MLANA: variants seen among roughly 807,000 people sequenced by gnomAD.
MLANA encodes melanoma antigen recognized by T-cells 1.
In MLANA, 21 loss-of-function variants were observed where a neutral mutation model predicts 15.7. That is an observed-to-expected ratio of 1.33 (90% CI 0.95 to 1.92). The LOEUF is 1.92. Among genes scored for constraint, MLANA ranks in the 40% most tolerant of loss-of-function variants. The pLI is 0.00. For missense variants in MLANA, 164 were observed against 143.8 expected, an observed-to-expected ratio of 1.14 and a Z score of -0.72; for synonymous variants, 56 against 51.5, an observed-to-expected ratio of 1.09 and a Z score of -0.37.
intron 3 of MLANA, 42 bp downstream of exon 3, chr9:5,897,695 G>A (rs1422396566): frequency 6.6e-7 from 1 of 1,525,762 alleles, no homozygotes; most frequent in South Asian, 1.1e-5. Flanking sequence ...CAAGTCCAGG[G>A]CCCTCTTTCC....
chr9:5,894,451 G>A lies in MLANA; in HGVS notation c.77+1900G>A, dbSNP rs2129898418. ...CCGTGTCTGGGGTAACAAACGGAAG[G>A]GTGAGGCCATCAGGACCTAGAGTTG... is the stretch of plus-strand genomic sequence containing the variant. On this transcript the variant is annotated intron_variant, in intron 2 of 4. Transcript: ENST00000381477. This position sits in a 1 kb window ranked among gnomAD's most constrained non-coding sequence, Gnocchi z 4.0. Among the ~76,000 whole-genome samples, 1 of 152,304 alleles carries A rather than the reference G, an allele frequency of 6.6e-6. No homozygotes were observed.
intron 1 of MLANA, 95 bp from the exon 2 acceptor site, chr9:5,892,355 G>T: frequency 4.0e-6 from 3 of 752,782 alleles, no homozygotes; most frequent in Non-Finnish European, 6.2e-6. Flanking sequence ...TATGGATATT[G>T]GTCACCTAGT....
intron 1 of MLANA, chr9:5,891,429 A>T (rs1358446481): frequency 6.6e-6 from 1 of 152,152 alleles, no homozygotes; most frequent in African/African-American, 2.4e-5. Flanking sequence ...TCTTTTTTAC[A>T]ACTGGGAAGG....
chr9:5,896,349 G>C (rs1832019094), intron 2 of MLANA, among the ~76,000 whole-genome samples: 1 of 152,202 alleles, frequency 6.6e-6, no homozygotes. Context: ...AATCTTCATA[G>C]GTCTCAGCTT....
At position 5,906,920 on chromosome 9, in the gene MLANA, A is replaced by C; in HGVS notation, c.210A>C (p.Leu70Phe). ...TTCATGTTGGCACTCAATGTGCCTT[A>C]ACAAGAAGATGCCCACAAGAAGGGT... Reference protein sequence around the residue: ...KSLHVGTQCALTRRCPQEGFD... With the variant: ...KSLHVGTQCAFTRRCPQEGFD... Residue 70 changes from leucine (L) to phenylalanine (F), a missense_variant, in exon 4 of 5, where the codon TTA becomes TTC. By Grantham distance (22) the Leu-to-Phe change is conservative (BLOSUM62 0). Transcript: ENST00000381477. The C allele has an allele frequency of 6.3e-7, 1 of 1,597,404 alleles. No individual in the cohort carries two copies. The highest frequency in any genetic ancestry group is 8.5e-7 in the Non-Finnish European group (1 of 1,173,536).
At chr9:5,899,788 A>G (rs902080880) in intron 3 of MLANA, among the ~76,000 whole-genome samples, 5 of 152,160 alleles carry the variant, frequency 3.3e-5, no homozygotes, top group Non-Finnish European at 5.9e-5. Context: ...ACTCATCTTC[A>G]TATCTCCAGT....
intron 2 of MLANA, among the ~76,000 whole-genome samples, chr9:5,892,962 G>A (rs911872857): frequency 3.9e-5 from 6 of 152,138 alleles, no homozygotes; most frequent in African/African-American, 1.2e-4. Flanking sequence ...TAAGGATGAC[G>A]GGCAGGTGTG....
chr9:5,906,120 G>A (rs1832786613), intron 3 of MLANA, among the ~76,000 whole-genome samples: 1 of 151,852 alleles, frequency 6.6e-6, no homozygotes, highest in Non-Finnish European at 1.5e-5. Flanking sequence ...AGAGGCTGAG[G>A]CAGGAGGATT....
intron 3 of MLANA, among the ~76,000 whole-genome samples, chr9:5,905,422 G>A (rs1201437293): frequency 6.6e-6 from 1 of 152,184 alleles, no homozygotes; most frequent in African/African-American, 2.4e-5. Context: ...AGGACTGACA[G>A]AATGAACTCT....
Position 5,902,174 on chromosome 9 carries a change from A to G in MLANA, c.174+4521A>G, listed in dbSNP as rs111640778. On this transcript the variant is annotated intron_variant, in intron 3 of 4. Transcript: ENST00000381477. ...GTTTTGGAAAGTTATTATTGATTCA[A>G]TTTTTATAATAGATATAAATCTCTT... is the stretch of plus-strand genomic sequence containing the variant. Among the ~76,000 whole-genome samples the G allele has an allele frequency of 1.1e-3, 167 of 152,298 alleles. 1 individual carries two copies. The highest frequency in any genetic ancestry group is 3.9e-3 in the African/African-American group (163 of 41,558).
intron 3 of MLANA, among the ~76,000 whole-genome samples, chr9:5,898,656 G>A (rs1202257255): frequency 6.6e-6 from 1 of 152,140 alleles, no homozygotes; most frequent in Non-Finnish European, 1.5e-5. Flanking sequence ...TAGCAAACAG[G>A]AGTATATTAG....
chr9:5,895,685 A>G (rs888558964), intron 2 of MLANA, among the ~76,000 whole-genome samples: 1 of 152,336 alleles, frequency 6.6e-6, no homozygotes, highest in South Asian at 2.1e-4. Flanking sequence ...GCCACCTAAG[A>G]GGCTGATTGG....
In MLANA at chr9:5,892,443, C is replaced by T; in HGVS notation, c.-25-7C>T. ...CATTAATGATGCCCACATGCTCCTT[C>T]TGTTAGGTGTCCTGTGCCCTGACCC... On this transcript the variant is annotated splice_polypyrimidine_tract_variant and splice_region_variant and intron_variant, in intron 1 of 4. Coordinates refer to ENST00000381477, the MANE Select transcript of MLANA (RefSeq NM_005511.2). 1.3e-6 allele frequency: 2 copies of T among 1,596,886 alleles called. No homozygotes were observed. The highest frequency in any genetic ancestry group is 1.7e-6 in the Non-Finnish European group (2 of 1,171,468).
At chr9:5,907,730 A>G (rs1586969287) in intron 4 of MLANA, among the ~76,000 whole-genome samples, 1 of 152,362 alleles carries the variant, frequency 6.6e-6, no homozygotes, top group East Asian at 1.9e-4. Flanking sequence ...AGGTGGGTGG[A>G]TCACCTGATC....
chr9:5,906,049 C>T (rs1424580858), intron 3 of MLANA, among the ~76,000 whole-genome samples: 1 of 151,774 alleles, frequency 6.6e-6, no homozygotes, highest in Non-Finnish European at 1.5e-5. Flanking sequence ...TCTGTTAAAT[C>T]AACTAAGAAT....
At chr9:5,897,717 C>T in intron 3 of MLANA, 64 bp downstream of exon 3, 2 of 1,359,218 alleles carry the variant, frequency 1.5e-6, no homozygotes, top group South Asian at 2.3e-5. Context: ...GTTCTTTCCT[C>T]TGAATCTCTG....
chr9:5,899,677 G>C (rs913077882), intron 3 of MLANA, among the ~76,000 whole-genome samples: 4 of 152,200 alleles, frequency 2.6e-5, no homozygotes, highest in African/African-American at 9.6e-5. Flanking sequence ...TGTAACTCTA[G>C]CATGGGGTTA....
intron 3 of MLANA, among the ~76,000 whole-genome samples, chr9:5,900,925 CTG>C (rs35763402): frequency 0.65 from 98,265 of 151,806 alleles, 33,378 homozygotes; most frequent in Non-Finnish European, 0.75. Context: ...TGTCAGGGCA[CTG>C]TGTTTTTCAA....
chr9:5,897,466 G>C (rs1832105670), intron 2 of MLANA, 91 bp from the exon 3 acceptor site: 1 of 1,223,944 alleles, frequency 8.2e-7, no homozygotes, highest in South Asian at 1.2e-5. Context: ...GGTCGTCAAA[G>C]TCCATATGAA....
Sources: allele counts gnomAD v4.1 joint callset (sites outside exome capture counted in the v4.1 genomes callset), GRCh38; gene constraint gnomAD v4.1.1; non-coding constraint Gnocchi (gnomAD v3.1); transcripts MANE v1.5; gene names NCBI Gene and HGNC (gene_info 2026-07-23, HGNC 2026-07-21).